Variants in VKORC1L1 observed in about 807,000 individuals in gnomAD.
VKORC1L1 encodes the protein vitamin K epoxide reductase complex subunit 1-like protein 1.
In VKORC1L1, 2 loss-of-function variants were observed where a neutral mutation model predicts 18.9. The ratio of observed to expected loss-of-function variants is 0.11; its 90% CI spans 0.04 to 0.33. The LOEUF is 0.33. VKORC1L1 is among the 10% of genes least tolerant of loss of function. The pLI is 1.00. For synonymous variants in VKORC1L1, 96 were observed against 100.0 expected (o/e 0.96, Z 0.24); for missense variants, 123 against 224.1 (o/e 0.55, Z 2.88).
chr7:65,875,565 C>T (rs1788813298), intron 1 of VKORC1L1, among the ~76,000 whole-genome samples: 1 of 152,124 alleles, frequency 6.6e-6, no homozygotes, highest in East Asian at 1.9e-4. Context: ...CTACAGGCGC[C>T]CGCCACAACG....
intron 1 of VKORC1L1, among the ~76,000 whole-genome samples, chr7:65,878,362 A>C (rs1291418333): frequency 2.0e-5 from 3 of 151,852 alleles, no homozygotes; most frequent in African/African-American, 4.8e-5. Flanking sequence ...CAGGAGAATC[A>C]CTTGAACCCG....
At chr7:65,906,634 A>C (rs558737944) in intron 1 of VKORC1L1, among the ~76,000 whole-genome samples, 7 of 152,334 alleles carry the variant, frequency 4.6e-5, no homozygotes, top group South Asian at 2.1e-4. Flanking sequence ...CTTTGGCCCT[A>C]GGGACCCAGA....
intron 1 of VKORC1L1, among the ~76,000 whole-genome samples, chr7:65,932,126 A>G (rs1789868061): frequency 2.6e-5 from 4 of 151,532 alleles, no homozygotes; most frequent in South Asian, 4.2e-4. Context: ...GAGGCAGGGT[A>G]TCATGCTGTT....
rs1790265609 is a variant in VKORC1L1, at chr7:65,954,630, A to C, written c.*330A>C. ...GAGCAACCATTGCTAGTAATTCTTT[A>C]ATGTGTATAAATTCAATTTCAGGTA... On this transcript the variant is annotated 3_prime_UTR_variant, in exon 3 of 3. Transcript: ENST00000360768. The C allele has an allele frequency of 1.1e-5, 4 of 358,298 alleles. No individual in the cohort carries two copies. In the East Asian group the frequency reaches 2.0e-4, roughly 18 times the overall value. 22.2% of individuals were successfully genotyped at this position (358,298 alleles called of 1,614,324 possible). A position where few individuals can be genotyped will look rare whatever the true frequency, so the allele number is the denominator to read the frequency against.
chr7:65,934,581 A>C lies in VKORC1L1; in HGVS notation c.195-14090A>C, dbSNP rs77608536. On this transcript the variant is annotated intron_variant, in intron 1 of 2. Coordinates refer to ENST00000360768, the MANE Select transcript of VKORC1L1 (RefSeq NM_173517.6). ...ATAACCACCATTCTACTCTCTGCTT[A>C]TATGAGTTCAATTGTCTTAGTTTCC... Among the ~76,000 whole-genome samples the C allele has an allele frequency of 9.2e-3, 1,403 of 152,254 alleles. 24 individuals carry two copies. Among genetic ancestry groups the C allele is most frequent in the African/African-American group, 0.03 (1,264 of 41,552 alleles).
intron 1 of VKORC1L1, among the ~76,000 whole-genome samples, chr7:65,945,250 G>A (rs1240649896): frequency 1.4e-5 from 2 of 146,270 alleles, no homozygotes; most frequent in East Asian, 4.2e-4. Flanking sequence ...GACAGAGCCA[G>A]ACTGTCTCAA....
chr7:65,909,687 C>A (rs1326677039), intron 1 of VKORC1L1, among the ~76,000 whole-genome samples: 1 of 86,794 alleles, frequency 1.2e-5, no homozygotes, highest in Non-Finnish European at 2.3e-5. Flanking sequence ...TTTGTTTTAG[C>A]CTTTGTGTGT....
chr7:65,900,924 G>A (rs1461172514), intron 1 of VKORC1L1, among the ~76,000 whole-genome samples: 2 of 152,160 alleles, frequency 1.3e-5, no homozygotes, highest in East Asian at 1.9e-4. Context: ...GGCCAGTCAC[G>A]TAGTACTTCT....
At chr7:65,878,856 T>C (rs1274837183) in intron 1 of VKORC1L1, among the ~76,000 whole-genome samples, 2 of 152,024 alleles carry the variant, frequency 1.3e-5, no homozygotes, top group Admixed American at 6.6e-5. Context: ...TGTGGTGAGC[T>C]GAGGTCGTGC....
At chr7:65,883,978 T>C (rs1046984544) in intron 1 of VKORC1L1, among the ~76,000 whole-genome samples, 3 of 152,218 alleles carry the variant, frequency 2.0e-5, no homozygotes, top group Non-Finnish European at 4.4e-5. Flanking sequence ...TAAAAACTCA[T>C]CGTATTTGAG....
intron 1 of VKORC1L1, among the ~76,000 whole-genome samples, chr7:65,947,468 AC>A (rs1428642517): frequency 6.6e-6 from 1 of 151,790 alleles, no homozygotes; most frequent in Non-Finnish European, 1.5e-5. Context: ...TCCAGAGTTA[AC>A]ATTATCTTTA....
chr7:65,934,998 G>A (rs1789917532), intron 1 of VKORC1L1, among the ~76,000 whole-genome samples: 1 of 149,758 alleles, frequency 6.7e-6, no homozygotes, highest in Non-Finnish European at 1.5e-5. Context: ...ATGTTGCAGT[G>A]AGTGGAGATC....
intron 2 of VKORC1L1, among the ~76,000 whole-genome samples, chr7:65,949,224 A>G (rs1308535344): frequency 2.0e-5 from 3 of 152,134 alleles, no homozygotes; most frequent in Non-Finnish European, 4.4e-5. Flanking sequence ...GCACACCTGT[A>G]ATCCCAGCAC....
intron 1 of VKORC1L1, among the ~76,000 whole-genome samples, chr7:65,911,061 C>T (rs1214125732): frequency 1.3e-5 from 2 of 152,188 alleles, no homozygotes; most frequent in African/African-American, 4.8e-5. Flanking sequence ...CAATCCTGAA[C>T]TCAGTATATG....
At chr7:65,870,265 GAA>G (rs58681634), upstream of VKORC1L1, among the ~76,000 whole-genome samples, 4,552 of 110,374 alleles carry the variant, frequency 0.041, 218 homozygotes, top group African/African-American at 0.13. Flanking sequence ...ACTAAGTACA[GAA>G]AAAAAAAAAA....
chr7:65,891,799 A>T (rs1225496780), intron 1 of VKORC1L1, among the ~76,000 whole-genome samples: 2 of 152,208 alleles, frequency 1.3e-5, no homozygotes, highest in Admixed American at 1.3e-4. Flanking sequence ...TCATTTCTTC[A>T]TGTTAGGAAT....
chr7:65,905,863 C>T (rs1420135119), intron 1 of VKORC1L1, among the ~76,000 whole-genome samples: 2 of 152,178 alleles, frequency 1.3e-5, no homozygotes, highest in African/African-American at 4.8e-5. Context: ...ACCCAATCCT[C>T]ACCGTGCTTG....
chr7:65,902,041 TG>T (rs1789326894), intron 1 of VKORC1L1, among the ~76,000 whole-genome samples: 1 of 152,160 alleles, frequency 6.6e-6, no homozygotes, highest in African/African-American at 2.4e-5. Context: ...ATCTTACCTG[TG>T]TGTGAGAACA....
intron 1 of VKORC1L1, among the ~76,000 whole-genome samples, chr7:65,942,857 G>A (rs1036978817): frequency 1.3e-5 from 2 of 152,038 alleles, no homozygotes; most frequent in African/African-American, 2.4e-5. Context: ...GTGCAACTTG[G>A]TGTTGTGTTA....
Sources: allele counts gnomAD v4.1 joint callset (sites outside exome capture counted in the v4.1 genomes callset), GRCh38; gene constraint gnomAD v4.1.1; transcripts MANE v1.5; gene names NCBI Gene and HGNC (gene_info 2026-07-23, HGNC 2026-07-21).